The following CHRNA3 variants were observed in gnomAD, a reference collection of about 807,000 sequenced individuals.
CHRNA3 encodes neuronal acetylcholine receptor subunit alpha-3.
A neutral mutation model predicts 41.9 loss-of-function variants in CHRNA3; 34 were observed. The ratio of observed to expected loss-of-function variants is 0.81; its 90% CI spans 0.62 to 1.08. The LOEUF (loss-of-function observed/expected upper bound fraction) is 1.08, where lower values mean the gene tolerates loss of function less well. Among genes scored for constraint, CHRNA3 ranks in the 50% least tolerant of loss-of-function variants. The probability of loss-of-function intolerance (pLI) is 0.00; values close to 1 mark genes in which losing one functional copy is unlikely to be tolerated. For synonymous variants in CHRNA3, 281 were observed against 265.2 expected, an observed-to-expected ratio of 1.06 and a Z score of -0.58; for missense variants, 542 against 638.3, an observed-to-expected ratio of 0.85 and a Z score of 1.63.
chr15:78,618,533 G>A (rs950147796), intron 3 of CHRNA3, 84 bp downstream of exon 3: 46 of 1,504,286 alleles, frequency 3.1e-5, no homozygotes, highest in African/African-American at 5.5e-5. Flanking sequence ...ATGAAGCCTG[G>A]TCTTTAGGCC....
At chr15:78,603,675 G>C (rs1392000261) in intron 4 of CHRNA3, among the ~76,000 whole-genome samples, 1 of 152,120 alleles carries the variant, frequency 6.6e-6, no homozygotes, top group Non-Finnish European at 1.5e-5. Flanking sequence ...TGGTGCATGT[G>C]CTTCTTCCTT....
chr15:78,604,071 G>A (rs576760841), intron 4 of CHRNA3, among the ~76,000 whole-genome samples: 9 of 152,238 alleles, frequency 5.9e-5, no homozygotes, highest in Admixed American at 1.3e-4. Flanking sequence ...ATGTCAGAGC[G>A]GCAAGGGAGC....
rs1393717178 is a variant in CHRNA3, at chr15:78,596,093, A to G, written c.*511T>C. On this transcript the variant is annotated 3_prime_UTR_variant, in exon 6 of 6. Transcript: ENST00000326828. ...AGAAGTATGCAAGAGAAGTAGTTGA[A>G]GCTCTCTGAAATGGAGGCATAGCCC... The G allele has an allele frequency of 3.3e-5, 33 of 985,214 alleles. No homozygotes were observed. The highest frequency in any genetic ancestry group is 4.0e-5 in the Non-Finnish European group (33 of 829,816). 61.0% of individuals were successfully genotyped at this position (985,214 alleles called of 1,614,324 possible). A position where few individuals can be genotyped will look rare whatever the true frequency, so the allele number is the denominator to read the frequency against.
At chr15:78,611,152 G>A (rs902242871) in intron 4 of CHRNA3, among the ~76,000 whole-genome samples, 2 of 152,190 alleles carry the variant, frequency 1.3e-5, no homozygotes, top group African/African-American at 4.8e-5. Context: ...ACAAGGAGGA[G>A]CTGGTACCAT....
chr15:78,596,592 A>ACAG lies in CHRNA3; in HGVS notation c.*9_*11dup. On this transcript the variant is annotated 3_prime_UTR_variant, in exon 6 of 6. Transcript: ENST00000326828. ...ACAAGGAAGTCTCCCAGGCAGGCAC[A>ACAG]CAGCTTAGTGCTTATGCATCTTCCC... 1 of 1,558,366 alleles carries ACAG rather than the reference A, an allele frequency of 6.4e-7. No individual in the cohort carries two copies. Among genetic ancestry groups the ACAG allele is most frequent in the Non-Finnish European group, 8.6e-7 (1 of 1,157,410 alleles).
At chr15:78,593,406 T>C (rs2053044306), downstream of CHRNA3, 3 of 661,234 alleles carry the variant, frequency 4.5e-6, no homozygotes, top group Non-Finnish European at 4.7e-6. Flanking sequence ...GATGATCCAT[T>C]TGAACAGTTG....
chr15:78,620,366 A>C, intron 1 of CHRNA3: 2 of 171,394 alleles, frequency 1.2e-5, no homozygotes, highest in Non-Finnish European at 2.5e-5. Context: ...TTTGGGAGCC[A>C]GTGCGCGGGG....
intron 3 of CHRNA3, 111 bp from the exon 4 acceptor site, chr15:78,617,244 G>A (rs530493521): frequency 2.1e-5 from 14 of 674,362 alleles, no homozygotes; most frequent in Middle Eastern, 2.8e-4. Flanking sequence ...GCATGTGACC[G>A]AACCACATCC....
intron 3 of CHRNA3, chr15:78,618,374 C>A: frequency 1.8e-6 from 1 of 549,372 alleles, no homozygotes; most frequent in Non-Finnish European, 3.3e-6. Flanking sequence ...GAATGTCTTT[C>A]TCCAGGCTGC....
intron 4 of CHRNA3, among the ~76,000 whole-genome samples, chr15:78,612,233 A>C (rs1310951492): frequency 1.3e-5 from 2 of 151,566 alleles, no homozygotes; most frequent in Non-Finnish European, 2.9e-5. Context: ...GTTCATATGG[A>C]ACCAAAACAG....
Position 78,620,929 on chromosome 15 carries a change from T to C in CHRNA3, c.-135A>G, listed in dbSNP as rs915270598. The C allele has an allele frequency of 5.3e-6, 6 of 1,130,172 alleles. No homozygotes were observed. The highest frequency in any genetic ancestry group is 6.7e-6 in the Non-Finnish European group (6 of 901,268). 70.0% of individuals were successfully genotyped at this position (1,130,172 alleles called of 1,614,324 possible). On this transcript the variant is annotated 5_prime_UTR_variant, in exon 1 of 6. Transcript: ENST00000326828. ...TGCGGGCGGAGACGCGCGGGGCTCC[T>C]CTCCGCTTCGCCGCCGCTGGGTTTC...
chr15:78,616,179 C>A (rs1475687296), intron 4 of CHRNA3, among the ~76,000 whole-genome samples: 1 of 151,614 alleles, frequency 6.6e-6, no homozygotes, highest in African/African-American at 2.4e-5. Flanking sequence ...ATGGCAAAAC[C>A]CCATCTCTAC....
chr15:78,616,010 G>A (rs1049180355), intron 4 of CHRNA3, among the ~76,000 whole-genome samples: 4 of 150,366 alleles, frequency 2.7e-5, no homozygotes, highest in Non-Finnish European at 4.4e-5. Context: ...CCAAAGTGCT[G>A]GGATTACAGG....
rs760878716 is a variant in CHRNA3, at chr15:78,601,721, G to T, written c.921C>A (p.Tyr307Ter). ...TTACAAAAATCATGGTGAACAGGAGGTACTCTCCAATCAGGGGGATGACCA... is the reference window on the plus strand; with the variant it reads ...TTACAAAAATCATGGTGAACAGGAGTTACTCTCCAATCAGGGGGATGACCA... ...TSLVIPLIGE[Y>*]LLFTMIFVTL... is the part of the protein sequence containing the mutation. The change falls in exon 5 of 6, where the codon TAC becomes TAA. Residue 307 changes from tyrosine to a stop codon, truncating the protein, a stop_gained. Transcript: ENST00000326828. LOFTEE classifies it high-confidence loss of function. The T allele has an allele frequency of 6.2e-7, 1 of 1,614,152 alleles. No homozygotes were observed. The highest frequency in any genetic ancestry group is 1.3e-5 in the African/African-American group (1 of 75,014).
At position 78,601,551 on chromosome 15, in the gene CHRNA3, C is replaced by T; in HGVS notation, c.1091G>A (p.Gly364Asp). The change falls in exon 5 of 6, where the codon GGC (glycine) becomes GAC (aspartate). Residue 364 changes from glycine to aspartate, a missense_variant. By Grantham distance (94) the Gly-to-Asp change is moderately conservative. Coordinates refer to ENST00000326828, the MANE Select transcript of CHRNA3 (RefSeq NM_000743.5). ...GAGGGGCCTCGGCTTCTGAGCGTTG[C>T]CCTCGTTGCTTGTTGGCCTGGTCAT... is the stretch of plus-strand genomic sequence containing the variant. The part of the protein sequence containing the change: ...MFMTRPTSNE[G>D]NAQKPRPLYG... The T allele has an allele frequency of 6.2e-7, 1 of 1,614,142 alleles. No individual in the cohort carries two copies. The highest frequency in any genetic ancestry group is 2.2e-5 in the East Asian group (1 of 44,866).
intron 4 of CHRNA3, among the ~76,000 whole-genome samples, chr15:78,608,047 G>C (rs2053322985): frequency 6.6e-6 from 1 of 152,226 alleles, no homozygotes; most frequent in African/African-American, 2.4e-5. Context: ...GCCCAGCCTT[G>C]ATTAGGTAAA....
intron 4 of CHRNA3, among the ~76,000 whole-genome samples, chr15:78,616,367 C>CCCA (rs1555419344): frequency 7.4e-6 from 1 of 134,832 alleles, no homozygotes; most frequent in Admixed American, 7.3e-5. Flanking sequence ...CCCACCCCCC[C>CCCA]AAAAAAAAAG....
intron 4 of CHRNA3, among the ~76,000 whole-genome samples, chr15:78,611,502 C>A (rs1462722447): frequency 2.6e-5 from 4 of 151,704 alleles, no homozygotes; most frequent in Admixed American, 1.3e-4. Context: ...CAGAAAAGGC[C>A]TTTGACAAAA....
At chr15:78,603,007 A>G (rs1454253349) in intron 4 of CHRNA3, among the ~76,000 whole-genome samples, 1 of 151,886 alleles carries the variant, frequency 6.6e-6, no homozygotes, top group Non-Finnish European at 1.5e-5. Flanking sequence ...CCTGACATTT[A>G]TTTTCACACA....
Sources: gnomAD v4.1 joint callset for allele counts (sites outside exome capture counted in the v4.1 genomes callset) on GRCh38, gnomAD v4.1.1 for gene constraint, MANE v1.5 for transcripts, NCBI Gene and HGNC (gene_info 2026-07-23, HGNC 2026-07-21) for gene names.